VWCE: variants seen among roughly 807,000 people sequenced by gnomAD.
VWCE encodes von Willebrand factor C and EGF domains, also known as von Willebrand factor C and EGF domain-containing protein.
VWCE carries 68 observed loss-of-function variants against 102.9 expected under a neutral mutation model. That is an observed-to-expected ratio of 0.66 (90% CI 0.54 to 0.81). The LOEUF is 0.81. Among genes scored for constraint, VWCE ranks in the 30% least tolerant of loss-of-function variants. The pLI is 0.00. For synonymous variants in VWCE, 497 were observed against 515.4 expected (o/e 0.96, Z 0.48); for missense variants, 1,137 against 1,263.6 (o/e 0.90, Z 1.52).
At position 61,271,724 on chromosome 11, in the gene VWCE, A is replaced by G. The variant is rs140441564; in HGVS notation, c.1736T>C (p.Ile579Thr). 6 of 1,613,628 alleles carry G rather than the reference A, an allele frequency of 3.7e-6. No individual in the cohort carries two copies. The highest frequency in any genetic ancestry group is 4.5e-5 in the East Asian group (2 of 44,886). The change falls in exon 14 of 20, where the codon ATT becomes ACT. Residue 579 changes from isoleucine (I) to threonine (T), a missense_variant. By Grantham distance (89) the Ile-to-Thr change is moderately conservative. Coordinates refer to ENST00000335613, the MANE Select transcript of VWCE (RefSeq NM_152718.2). ...SLDDNGVEFP[I>T]GQIWSPGDPC... ...GTCACCAGGCGACCAGATCTGTCCA[A>G]TCGGAAACTCAACCCCGTTGTCGTC...
At chr11:61,290,227 T>C (rs1028329025) in intron 4 of VWCE, among the ~76,000 whole-genome samples, 18 of 152,234 alleles carry the variant, frequency 1.2e-4, no homozygotes, top group African/African-American at 2.4e-5. Flanking sequence ...AACTCCCTAA[T>C]GGGGCTGGGT....
intron 19 of VWCE, among the ~76,000 whole-genome samples, chr11:61,260,072 T>C (rs987801104): frequency 1.3e-5 from 2 of 152,154 alleles, no homozygotes; most frequent in Non-Finnish European, 2.9e-5. Flanking sequence ...CTGGTCAACA[T>C]GGTGAAACCC....
intron 19 of VWCE, among the ~76,000 whole-genome samples, chr11:61,263,493 G>A (rs1406837454): frequency 2.0e-5 from 3 of 152,156 alleles, no homozygotes; most frequent in Non-Finnish European, 2.9e-5. Flanking sequence ...TGGCAGGGGC[G>A]AGGGGAATGG....
intron 6 of VWCE, 62 bp downstream of exon 6, chr11:61,282,727 C>A: frequency 7.3e-7 from 1 of 1,375,138 alleles, no homozygotes; most frequent in East Asian, 2.3e-5. Flanking sequence ...TCCCTGGGCT[C>A]CCTGTCCATC....
At chr11:61,281,969 T>A in intron 6 of VWCE, 55 bp from the exon 7 acceptor site, 1 of 1,581,804 alleles carries the variant, frequency 6.3e-7, no homozygotes, top group Non-Finnish European at 8.6e-7. Context: ...GGAGCCCTTC[T>A]TCCGCCCATC....
At chr11:61,263,454 G>A (rs1184335810) in intron 19 of VWCE, among the ~76,000 whole-genome samples, 1 of 152,222 alleles carries the variant, frequency 6.6e-6, no homozygotes, top group African/African-American at 2.4e-5. Context: ...AGCCAAAGAA[G>A]CAGAGAATAG....
Position 61,281,149 on chromosome 11 carries a change from C to T in VWCE, c.874G>A (p.Gly292Ser), listed in dbSNP as rs777346388. 7 of 1,613,556 alleles carry T rather than the reference C, an allele frequency of 4.3e-6. No homozygotes were observed. The highest frequency in any genetic ancestry group is 2.2e-5 in the South Asian group (2 of 91,054). ...SKMLLLLPEA[G>S]RPALSPGHSP... ...TGTCCTGGGGACAGGGCAGGCCGGCCGGCCTCAGGAAGCAACAGAAGCATC... is the reference window on the plus strand; with the variant it reads ...TGTCCTGGGGACAGGGCAGGCCGGCTGGCCTCAGGAAGCAACAGAAGCATC... The change falls in exon 8 of 20, where the codon GGC (glycine) becomes AGC (serine). Residue 292 changes from glycine to serine, a missense_variant. By Grantham distance (56) the Gly-to-Ser change is moderately conservative. Coordinates refer to ENST00000335613, the MANE Select transcript of VWCE (RefSeq NM_152718.2).
intron 15 of VWCE, 53 bp from the exon 16 acceptor site, chr11:61,267,597 C>T: frequency 1.9e-6 from 3 of 1,580,422 alleles, no homozygotes; most frequent in Non-Finnish European, 2.6e-6. Flanking sequence ...AGGCACCAGG[C>T]TTCCCGCCAG....
At chr11:61,269,256 T>C (rs1854602598) in intron 14 of VWCE, 1 of 525,414 alleles carries the variant, frequency 1.9e-6, no homozygotes, top group Non-Finnish European at 3.5e-6. Flanking sequence ...GTTGGGATTC[T>C]GGTCTCCTCC....
intron 15 of VWCE, 21 bp downstream of exon 15, chr11:61,268,901 G>T: frequency 6.2e-7 from 1 of 1,611,570 alleles, no homozygotes; most frequent in Non-Finnish European, 8.5e-7. Flanking sequence ...CTGGGGGCTT[G>T]GGGCAGAGGC....
At position 61,271,698 on chromosome 11, in the gene VWCE, G is replaced by A; in HGVS notation, c.1762C>T (p.Pro588Ser). ...ACCTGGCAGATGCATAACTCACAGG[G>A]GTCACCAGGCGACCAGATCTGTCCA... ...PIGQIWSPGDPCELCICQADG... is the reference protein window; with the variant it reads ...PIGQIWSPGDSCELCICQADG... Residue 588 changes from proline (P) to serine (S), a missense_variant, in exon 14 of 20, where the codon CCC (proline) becomes TCC (serine). By Grantham distance (74) the Pro-to-Ser change is moderately conservative. This residue lies in a region of VWCE where 212 missense variants were observed against 235.1 expected (regional missense o/e 0.90). Coordinates refer to ENST00000335613, the MANE Select transcript of VWCE (RefSeq NM_152718.2). The A allele has an allele frequency of 1.2e-6, 2 of 1,613,396 alleles. No individual in the cohort carries two copies. The highest frequency in any genetic ancestry group is 8.5e-7 in the Non-Finnish European group (1 of 1,179,720).
chr11:61,287,615 G>A (rs996636624), intron 4 of VWCE, among the ~76,000 whole-genome samples: 7 of 152,196 alleles, frequency 4.6e-5, no homozygotes, highest in Non-Finnish European at 5.9e-5. Context: ...CACACCCAGG[G>A]GAGAACAGTG....
rs761652499 is a variant in VWCE, at chr11:61,273,222, C to T, written c.1676G>A (p.Cys559Tyr). The T allele has an allele frequency of 6.2e-7, 1 of 1,613,738 alleles. No homozygotes were observed. Among genetic ancestry groups the T allele is most frequent in the Non-Finnish European group, 8.5e-7 (1 of 1,179,898 alleles). Residue 559 changes from cysteine to tyrosine, a missense_variant, in exon 13 of 20, where the codon TGC (cysteine) becomes TAC (tyrosine). Physicochemically the swap from Cys to Tyr is radical, Grantham distance 194. Transcript: ENST00000335613. ...RLGPGQCCFT[C>Y]QEPTPSTGCS... ...ACCTGTCGAGGGTGTGGGCTCCTGG[C>T]AGGTGAAGCAACACTGCCCAGGGCC...
intron 19 of VWCE, among the ~76,000 whole-genome samples, chr11:61,261,156 G>A (rs1854345882): frequency 6.6e-6 from 1 of 151,652 alleles, no homozygotes; most frequent in Non-Finnish European, 1.5e-5. Context: ...GGAGGTGGAG[G>A]TTGCAGTGAG....
At chr11:61,270,825 C>CTG (rs1854667814) in intron 14 of VWCE, among the ~76,000 whole-genome samples, 1 of 134,252 alleles carries the variant, frequency 7.4e-6, no homozygotes, top group South Asian at 2.4e-4. Flanking sequence ...GTTACACACA[C>CTG]TTTTTTTTTT....
At chr11:61,272,081 A>G (rs1854727891) in intron 13 of VWCE, among the ~76,000 whole-genome samples, 1 of 152,176 alleles carries the variant, frequency 6.6e-6, no homozygotes, top group African/African-American at 2.4e-5. Context: ...ACAAATGTAC[A>G]TTTGCATACA....
intron 10 of VWCE, among the ~76,000 whole-genome samples, chr11:61,277,852 T>A (rs1406865280): frequency 1.3e-5 from 2 of 152,102 alleles, no homozygotes; most frequent in African/African-American, 4.8e-5. Flanking sequence ...TTTCTTTTTT[T>A]TTTTAAGACA....
chr11:61,258,664 C>T lies in VWCE; in HGVS notation c.*11G>A. On this transcript the variant is annotated 3_prime_UTR_variant, in exon 20 of 20. Transcript: ENST00000335613. ...TCCTCTCTCCAGAGTCTCCCGGACA[C>T]AGTGACCTCCTTACATGGTGGACTC... 1 of 1,370,718 alleles carries T rather than the reference C, an allele frequency of 7.3e-7. No individual in the cohort carries two copies. The allele number at this position is 1,370,718 out of a possible 1,614,324, so 84.9% of individuals were successfully genotyped here.
chr11:61,282,168 G>T (rs1855165071), intron 6 of VWCE, among the ~76,000 whole-genome samples: 2 of 152,202 alleles, frequency 1.3e-5, no homozygotes, highest in Admixed American at 1.3e-4. Flanking sequence ...GCACTATGCA[G>T]CGGTAATTAA....
Sources: allele counts gnomAD v4.1 joint callset (sites outside exome capture counted in the v4.1 genomes callset), GRCh38; gene constraint gnomAD v4.1.1; regional missense constraint gnomAD v4.1.1; transcripts MANE v1.5; gene names NCBI Gene and HGNC (gene_info 2026-07-23, HGNC 2026-07-21).